PIGX: variants seen among roughly 807,000 people sequenced by gnomAD.
PIGX encodes the protein phosphatidylinositol glycan anchor biosynthesis class X, also known as GPI alpha-1,4-mannosyltransferase I, stabilizing subunit.
PIGX carries 24 observed loss-of-function variants against 28.7 expected under a neutral mutation model. The ratio of observed to expected loss-of-function variants is 0.84; its 90% CI spans 0.60 to 1.17. The LOEUF is 1.17. Among genes scored for constraint, PIGX ranks in the 50% most tolerant of loss-of-function variants. PIGX has a pLI of 0.00. For missense variants in PIGX, 305 were observed against 317.8 expected, an observed-to-expected ratio of 0.96 and a Z score of 0.31; for synonymous variants, 127 against 121.0, an observed-to-expected ratio of 1.05 and a Z score of -0.33.
chr3:196,732,396 C>T (rs1307914657), intron 5 of PIGX, among the ~76,000 whole-genome samples: 3 of 149,236 alleles, frequency 2.0e-5, no homozygotes, highest in South Asian at 4.2e-4. Context: ...ATTCTCCTGC[C>T]TCAGCCTCCT....
In PIGX at chr3:196,728,085, G is replaced by A. The variant is rs777895598; in HGVS notation, c.481G>A (p.Glu161Lys). ...TCATCGGCCGCACAGTGAAGATGGAGAAGCCTCGATTGTGGTCAATAACCC... is the reference window on the plus strand; with the variant it reads ...TCATCGGCCGCACAGTGAAGATGGAAAAGCCTCGATTGTGGTCAATAACCC... Residue 161 changes from glutamate to lysine, a missense_variant, in exon 4 of 6, where the codon GAA (glutamate) becomes AAA (lysine). By Grantham distance (56) the Glu-to-Lys change is moderately conservative. Transcript: ENST00000392391. The A allele has an allele frequency of 2.5e-6, 4 of 1,614,026 alleles. No individual in the cohort carries two copies. The African/African-American group carries it at 5.3e-5, about 22-fold the overall frequency.
At chr3:196,725,555 G>A (rs1012671337) in intron 3 of PIGX, among the ~76,000 whole-genome samples, 2 of 152,152 alleles carry the variant, frequency 1.3e-5, no homozygotes, top group African/African-American at 4.8e-5. Context: ...AGAATTCACG[G>A]GACAGTGTAC....
intron 3 of PIGX, among the ~76,000 whole-genome samples, chr3:196,725,416 A>G (rs1712483072): frequency 6.6e-6 from 1 of 152,206 alleles, no homozygotes; most frequent in South Asian, 2.1e-4. Flanking sequence ...GGTGAGCCCT[A>G]CTGTCATCCA....
At chr3:196,732,121 T>G (rs1332421094) in intron 5 of PIGX, among the ~76,000 whole-genome samples, 1 of 146,770 alleles carries the variant, frequency 6.8e-6, no homozygotes. Context: ...CCACCACACC[T>G]GACTTCAGTT....
chr3:196,717,269 C>G (rs143472049), intron 2 of PIGX, among the ~76,000 whole-genome samples: 158 of 129,390 alleles, frequency 1.2e-3, no homozygotes, highest in African/African-American at 4.6e-3. Flanking sequence ...CCACTGCACT[C>G]CAGCCTGGGC....
chr3:196,716,988 A>G (rs1001365226), intron 2 of PIGX, 67 bp downstream of exon 2: 5 of 972,030 alleles, frequency 5.1e-6, no homozygotes, highest in African/African-American at 4.9e-5. Context: ...CAAAAAATTG[A>G]TGGTTGAAAT....
intron 1 of PIGX, among the ~76,000 whole-genome samples, chr3:196,716,027 T>C (rs1009725566): frequency 1.3e-5 from 2 of 152,148 alleles, no homozygotes; most frequent in African/African-American, 2.4e-5. Flanking sequence ...TTTTTTTGTG[T>C]TTAGAGACAA....
chr3:196,729,069 C>A (rs1712638062), intron 4 of PIGX, among the ~76,000 whole-genome samples: 1 of 152,130 alleles, frequency 6.6e-6, no homozygotes, highest in South Asian at 2.1e-4. Flanking sequence ...CGAGGTGGCT[C>A]ACGCCTGTAA....
At position 196,728,019 on chromosome 3, in the gene PIGX, A is replaced by G; in HGVS notation, c.415A>G (p.Ile139Val). ...TTATGCCAGACGAGATTCACAGTGCATTGACTGTTTTCAAGCCTTTTTGCC... is the reference window on the plus strand; with the variant it reads ...TTATGCCAGACGAGATTCACAGTGCGTTGACTGTTTTCAAGCCTTTTTGCC... Residue 139 changes from isoleucine (I) to valine (V), a missense_variant, in exon 4 of 6, where the codon ATT (isoleucine) becomes GTT (valine). Coordinates refer to ENST00000392391, the MANE Select transcript of PIGX (RefSeq NM_017861.4). 6.2e-7 allele frequency: 1 copy of G among 1,614,086 alleles called. No individual in the cohort carries two copies. The highest frequency in any genetic ancestry group is 8.5e-7 in the Non-Finnish European group (1 of 1,179,928).
At chr3:196,726,070 A>G (rs1712510775) in intron 3 of PIGX, among the ~76,000 whole-genome samples, 1 of 152,180 alleles carries the variant, frequency 6.6e-6, no homozygotes, top group Non-Finnish European at 1.5e-5. Context: ...GAGGTGAATC[A>G]ATCAGTTAAA....
rs1245548193 is a variant in PIGX, at chr3:196,732,080, C to T, written c.633+988C>T. ...ACTTCAGGTGATCCACCCCCGTCAG[C>T]CTCCCAAAGTGCTGGGATTACAGGC... On this transcript the variant is annotated intron_variant, in intron 5 of 5. Coordinates refer to ENST00000392391, the MANE Select transcript of PIGX (RefSeq NM_017861.4). 2.7e-5 allele frequency among the ~76,000 whole-genome samples: 4 copies of T among 150,642 alleles called. No homozygotes were observed. In the East Asian group the frequency reaches 7.8e-4, roughly 30 times the overall value.
chr3:196,724,810 T>G (rs1429566268), intron 3 of PIGX, among the ~76,000 whole-genome samples: 2 of 152,198 alleles, frequency 1.3e-5, no homozygotes, highest in African/African-American at 4.8e-5. Context: ...AGAAACTTTG[T>G]TATGCTAAGT....
chr3:196,733,456 G>A lies in PIGX; in HGVS notation c.634-303G>A, dbSNP rs1420816326. Among the ~76,000 whole-genome samples the A allele has an allele frequency of 1.3e-5, 2 of 151,536 alleles. No homozygotes were observed. Among genetic ancestry groups the A allele is most frequent in the Non-Finnish European group, 2.9e-5 (2 of 67,898 alleles). On this transcript the variant is annotated intron_variant, in intron 5 of 5. Transcript: ENST00000392391. This position sits in a 1 kb window ranked among gnomAD's most constrained non-coding sequence, Gnocchi z 4.3. ...GACAGAGTCTTCCTCTGTCTCCCAG[G>A]CTGGAGTACAGTGGCACGATCTCAG...
At chr3:196,713,228 G>GTCAA in intron 1 of PIGX, 1 of 310,738 alleles carries the variant, frequency 3.2e-6, no homozygotes, top group Non-Finnish European at 4.7e-6. Context: ...TTTAGTATCT[G>GTCAA]TCAATCAGTG....
Position 196,712,643 on chromosome 3 carries a change from C to A in PIGX, c.111C>A (p.Ala37=), listed in dbSNP as rs1028796670. ...CCTTCACCGCCGCGCGCTCTGACGC[C>A]GGTAAGGGGGGCGGGGCTTGGGGGG... The change falls in exon 1 of 6, where the codon GCC becomes GCA. Residue 37 remains alanine (A), a splice_region_variant and synonymous_variant. Transcript: ENST00000392391. The A allele has an allele frequency of 3.4e-6, 4 of 1,188,718 alleles. No homozygotes were observed. Among genetic ancestry groups the A allele is most frequent in the Non-Finnish European group, 3.1e-6 (3 of 960,044 alleles). The allele number at this position is 1,188,718 out of a possible 1,614,324, so 73.6% of individuals were successfully genotyped here. A position where few individuals can be genotyped will look rare whatever the true frequency, so the allele number is the denominator to read the frequency against.
intron 5 of PIGX, 67 bp downstream of exon 5, chr3:196,731,159 C>A: frequency 1.1e-6 from 1 of 881,278 alleles, no homozygotes; most frequent in Non-Finnish European, 1.8e-6. Flanking sequence ...TGTAATGTTC[C>A]TGCCACATTT....
chr3:196,728,374 T>C, intron 4 of PIGX: 1 of 591,134 alleles, frequency 1.7e-6, no homozygotes, highest in Non-Finnish European at 3.0e-6. Context: ...ATCCCTGTCC[T>C]TGACTGCGCT....
chr3:196,728,120 G>C lies in PIGX; in HGVS notation c.516G>C (p.Leu172Phe), dbSNP rs2108685900. ...TTGTGGTCAATAACCCAGATTTGTTGATGTTTTGTGACCAAGGTGAGGGCT... is the reference window on the plus strand; with the variant it reads ...TTGTGGTCAATAACCCAGATTTGTTCATGTTTTGTGACCAAGGTGAGGGCT... The change falls in exon 4 of 6, where the codon TTG (leucine) becomes TTC (phenylalanine). Residue 172 changes from leucine to phenylalanine, a missense_variant. Leu to Phe is a conservative substitution (Grantham distance 22). Coordinates refer to ENST00000392391, the MANE Select transcript of PIGX (RefSeq NM_017861.4). 6.2e-7 allele frequency: 1 copy of C among 1,613,952 alleles called. No homozygotes were observed. Among genetic ancestry groups the C allele is most frequent in the East Asian group, 2.2e-5 (1 of 44,884 alleles).
intron 5 of PIGX, among the ~76,000 whole-genome samples, chr3:196,731,821 C>CTTAT (rs200642879): frequency 0.015 from 2,247 of 151,696 alleles, 89 homozygotes; most frequent in Admixed American, 0.089. Flanking sequence ...TTCAGTTGTC[C>CTTAT]TTATTTATTT....
Sources: allele counts gnomAD v4.1 joint callset (sites outside exome capture counted in the v4.1 genomes callset), GRCh38; gene constraint gnomAD v4.1.1; non-coding constraint Gnocchi (gnomAD v3.1); transcripts MANE v1.5; gene names NCBI Gene and HGNC (gene_info 2026-07-23, HGNC 2026-07-21).